The following MORN3 variants were observed in gnomAD, a reference collection of about 807,000 sequenced individuals.
The protein encoded by MORN3 is MORN repeat containing 3.
MORN3 carries 38 observed loss-of-function variants against 34.7 expected under a neutral mutation model. The ratio of observed to expected loss-of-function variants is 1.10; its 90% CI spans 0.85 to 1.44. The LOEUF (loss-of-function observed/expected upper bound fraction) is 1.44. Ranked by LOEUF, MORN3 falls within the 40% of genes most tolerant of loss-of-function variation. The pLI is 0.00. For synonymous variants in MORN3, 109 were observed against 115.3 expected (o/e 0.95, Z 0.35); for missense variants, 311 against 321.7 (o/e 0.97, Z 0.25).
intron 1 of MORN3, among the ~76,000 whole-genome samples, chr12:121,668,904 T>C (rs1893858919): frequency 6.6e-6 from 1 of 151,934 alleles, no homozygotes; most frequent in South Asian, 2.1e-4. Context: ...TGGGATGGAG[T>C]AGGGGGTCCT....
upstream of MORN3, among the ~76,000 whole-genome samples, chr12:121,671,931 T>C (rs117790177): frequency 2.0e-3 from 298 of 151,954 alleles, 4 homozygotes; most frequent in Non-Finnish European, 1.6e-3. Context: ...TAATGCCATG[T>C]AATCACCAGA....
rs1893201509 is a variant in MORN3, at chr12:121,649,486, A to G, written c.*2165T>C. 6.6e-6 allele frequency: 1 copy of G among 152,102 alleles called. No homozygotes were observed. The highest frequency in any genetic ancestry group is 1.5e-5 in the Non-Finnish European group (1 of 68,030). 9.4% of individuals were successfully genotyped at this position (152,102 alleles called of 1,614,324 possible). On this transcript the variant is annotated 3_prime_UTR_variant, in exon 6 of 6. Coordinates refer to ENST00000355329, the MANE Select transcript of MORN3 (RefSeq NM_173855.5). ...ATAGAGTGAGTGCTCCATATCTGGA[A>G]GTTATGATTAATTCTGCATCCTAGG...
intron 1 of MORN3, among the ~76,000 whole-genome samples, chr12:121,661,466 T>C (rs1893578423): frequency 6.6e-6 from 1 of 152,214 alleles, no homozygotes; most frequent in Non-Finnish European, 1.5e-5. Flanking sequence ...GGGTCCTTGG[T>C]AACCCAGGAA....
At position 121,669,540 on chromosome 12, in the gene MORN3, C is replaced by T; in HGVS notation, c.-57G>A. On this transcript the variant is annotated 5_prime_UTR_variant, in exon 1 of 6. Transcript: ENST00000355329. ...GGAAAGGGGTTAGGGACATCTGGGG[C>T]TCAGCGCGCCCCGTGTAATGCCGGG... 6.2e-7 allele frequency: 1 copy of T among 1,603,086 alleles called. No individual in the cohort carries two copies. Among genetic ancestry groups the T allele is most frequent in the Non-Finnish European group, 8.5e-7 (1 of 1,173,908 alleles).
intron 5 of MORN3, 101 bp downstream of exon 5, chr12:121,652,627 G>A (rs1180165852): frequency 5.4e-6 from 6 of 1,103,420 alleles, no homozygotes; most frequent in African/African-American, 1.5e-5. Context: ...CCCACTCCCC[G>A]ACCCCAAGCC....
At chr12:121,667,181 C>T (rs1402122287) in intron 1 of MORN3, among the ~76,000 whole-genome samples, 1 of 151,722 alleles carries the variant, frequency 6.6e-6, no homozygotes, top group South Asian at 2.1e-4. Context: ...AGGCTGGTCT[C>T]GAACTCCTGA....
chr12:121,653,116 G>T lies in MORN3; in HGVS notation c.607C>A (p.Arg203Ser). The T allele has an allele frequency of 1.2e-6, 2 of 1,613,930 alleles. No individual in the cohort carries two copies. ...TGAGTGGGCTCAGGGGCCTCGTCAC[G>T]GCCAAAGTCGATCATCGTCCCGCAT... Reference protein sequence around the residue: ...AKCGTMIDFGRDEAPEPTQFP... With the variant: ...AKCGTMIDFGSDEAPEPTQFP... Residue 203 changes from arginine to serine, a missense_variant, in exon 4 of 6, where the codon CGT becomes AGT. Transcript: ENST00000355329.
At chr12:121,653,560 G>GC (rs1233318547) in intron 3 of MORN3, among the ~76,000 whole-genome samples, 1 of 152,166 alleles carries the variant, frequency 6.6e-6, no homozygotes, top group Non-Finnish European at 1.5e-5. Context: ...AGCTGAGATT[G>GC]CCCCACAGCA....
intron 1 of MORN3, 46 bp downstream of exon 1, chr12:121,669,293 G>A: frequency 3.1e-6 from 5 of 1,606,878 alleles, no homozygotes; most frequent in Non-Finnish European, 4.3e-6. Context: ...GTTGCCCACT[G>A]TGGCTCTGAC....
At chr12:121,659,455 G>C (rs1044652068) in intron 1 of MORN3, 107 bp from the exon 2 acceptor site, 22 of 1,124,694 alleles carry the variant, frequency 2.0e-5, no homozygotes, top group Non-Finnish European at 2.9e-5. Flanking sequence ...CTAGAGAGCT[G>C]GGACAGGCTC....
chr12:121,658,639 T>TGTTTATTATTAGTTTATATATTA (rs1478444278), intron 2 of MORN3, among the ~76,000 whole-genome samples: 1 of 151,252 alleles, frequency 6.6e-6, no homozygotes, highest in African/African-American at 2.4e-5. Context: ...GTTGCAATAC[T>TGTTTATTATTAGTTTATATATTA]GTTTATTATT....
intron 1 of MORN3, among the ~76,000 whole-genome samples, chr12:121,668,456 G>A (rs951016356): frequency 1.3e-5 from 2 of 152,132 alleles, no homozygotes; most frequent in Admixed American, 6.6e-5. Flanking sequence ...CAGGAGAATC[G>A]CCTGAACTCG....
At chr12:121,658,565 CAAA>C (rs62682762) in intron 2 of MORN3, among the ~76,000 whole-genome samples, 12 of 68,790 alleles carry the variant, frequency 1.7e-4, no homozygotes, top group Non-Finnish European at 1.9e-4. Flanking sequence ...GACTCCCTCT[CAAA>C]AAAAAAAAAA....
intron 2 of MORN3, 127 bp from the exon 3 acceptor site, chr12:121,654,560 G>T (rs1254517423): frequency 2.0e-6 from 2 of 1,017,798 alleles, no homozygotes; most frequent in Admixed American, 3.0e-5. Context: ...CTACGTCCAA[G>T]CGGAGGGTCG....
chr12:121,654,461 G>C, intron 2 of MORN3, 28 bp from the exon 3 acceptor site: 1 of 1,547,412 alleles, frequency 6.5e-7, no homozygotes, highest in Non-Finnish European at 8.8e-7. Context: ...CTACTACTCA[G>C]GGCGCCCCCC....
At chr12:121,656,430 C>T (rs1156439640) in intron 2 of MORN3, among the ~76,000 whole-genome samples, 1 of 152,092 alleles carries the variant, frequency 6.6e-6, no homozygotes, top group Non-Finnish European at 1.5e-5. Flanking sequence ...ATCAAGCAAT[C>T]CTCCTGCCTC....
Position 121,662,191 on chromosome 12 carries a change from G to A in MORN3, c.146-2843C>T, listed in dbSNP as rs778601360. 3.9e-4 allele frequency among the ~76,000 whole-genome samples: 60 copies of A among 152,100 alleles called. 2 individuals are homozygous for A. The highest frequency in any genetic ancestry group is 2.2e-4 in the Non-Finnish European group (15 of 68,026). The stretch of plus-strand genomic sequence containing the variant: ...ACAAGATTTGGAGACCTAAGGCTGG[G>A]CACAGTGGCTCACTCCTATAATCCC... On this transcript the variant is annotated intron_variant, in intron 1 of 5. Coordinates refer to ENST00000355329, the MANE Select transcript of MORN3 (RefSeq NM_173855.5).
intron 1 of MORN3, among the ~76,000 whole-genome samples, chr12:121,668,280 C>A (rs937579938): frequency 1.3e-5 from 2 of 151,906 alleles, no homozygotes; most frequent in East Asian, 3.9e-4. Flanking sequence ...AGTGGCTAAA[C>A]GCCTGTAATC....
chr12:121,656,689 G>A, intron 2 of MORN3, among the ~76,000 whole-genome samples: 1 of 151,710 alleles, frequency 6.6e-6, no homozygotes, highest in Admixed American at 6.6e-5. Context: ...TTTTTTTTGT[G>A]TTTTTTATTT....
Sources: allele counts gnomAD v4.1 joint callset (sites outside exome capture counted in the v4.1 genomes callset), GRCh38; gene constraint gnomAD v4.1.1; transcripts MANE v1.5; gene names NCBI Gene and HGNC (gene_info 2026-07-23, HGNC 2026-07-21).